Variants in GRM5 observed in about 807,000 individuals in gnomAD.
The protein encoded by GRM5 is metabotropic glutamate receptor 5.
Under a neutral mutation model 83.1 loss-of-function variants are expected in GRM5, and 19 were observed. That is an observed-to-expected ratio of 0.23 (90% confidence interval 0.16 to 0.34). The LOEUF (loss-of-function observed/expected upper bound fraction) is 0.34, where lower values mean the gene tolerates loss of function less well. Among genes scored for constraint, GRM5 ranks in the 10% least tolerant of loss-of-function variants. The probability of loss-of-function intolerance (pLI) is 1.00; values close to 1 mark genes in which losing one functional copy is unlikely to be tolerated. For synonymous variants in GRM5, 675 were observed against 633.6 expected (o/e 1.07, Z -0.98); for missense variants, 1,160 against 1,588.3 (o/e 0.73, Z 4.58).
chr11:88,634,057 T>C (rs1939052860), intron 4 of GRM5, among the ~76,000 whole-genome samples: 1 of 152,174 alleles, frequency 6.6e-6, no homozygotes, highest in South Asian at 2.1e-4. Context: ...GGTGTAAGTA[T>C]TTGTATATCT....
At chr11:88,838,323 G>T (rs1197266048) in intron 3 of GRM5, among the ~76,000 whole-genome samples, 1 of 151,980 alleles carries the variant, frequency 6.6e-6, no homozygotes, top group Non-Finnish European at 1.5e-5. Flanking sequence ...TCCCTTCTGG[G>T]GATAGTGACT....
At position 88,718,354 on chromosome 11, in the gene GRM5, C is replaced by T. The variant is rs569713327; in HGVS notation, c.912-64951G>A. ...AAAATGTATATTTGTAGAGCAAATA[C>T]GTGATCTTCTTTCACCTGTTCCTCC... On this transcript the variant is annotated intron_variant, in intron 3 of 9. Transcript: ENST00000305447. 4.6e-5 allele frequency among the ~76,000 whole-genome samples: 7 copies of T among 151,980 alleles called. No individual in the cohort carries two copies. The East Asian group carries it at 9.7e-4, about 21-fold the overall frequency.
chr11:88,726,463 CTT>C (rs1337892683), intron 3 of GRM5, among the ~76,000 whole-genome samples: 1 of 152,194 alleles, frequency 6.6e-6, no homozygotes, highest in Admixed American at 6.5e-5. Flanking sequence ...GGAAAACACT[CTT>C]TAGGATATTA....
intron 3 of GRM5, among the ~76,000 whole-genome samples, chr11:88,819,659 G>GTAAGGGGA (rs1943752037): frequency 6.6e-6 from 1 of 152,152 alleles, no homozygotes; most frequent in African/African-American, 2.4e-5. Context: ...GTGGGTTACT[G>GTAAGGGGA]TGGCTCACTT....
intron 2 of GRM5, among the ~76,000 whole-genome samples, chr11:88,922,023 A>T (rs1232480565): frequency 6.6e-6 from 1 of 152,132 alleles, no homozygotes; most frequent in Non-Finnish European, 1.5e-5. Context: ...TCCCAAGGAA[A>T]AAACCAAAAA....
intron 8 of GRM5, among the ~76,000 whole-genome samples, chr11:88,539,022 C>T (rs1239689540): frequency 6.6e-6 from 1 of 152,172 alleles, no homozygotes; most frequent in Admixed American, 6.5e-5. Flanking sequence ...GAGACACTGC[C>T]TATGCTTTTA....
At chr11:88,808,401 GATAA>G (rs140527048) in intron 3 of GRM5, among the ~76,000 whole-genome samples, 3,866 of 152,030 alleles carry the variant, frequency 0.025, 171 homozygotes, top group African/African-American at 0.089. Context: ...CAGATGGTCA[GATAA>G]ATAAATAGAA....
chr11:88,755,243 T>C (rs902946835), intron 3 of GRM5, among the ~76,000 whole-genome samples: 2 of 152,116 alleles, frequency 1.3e-5, no homozygotes, highest in Admixed American at 6.6e-5. Flanking sequence ...CTTCTCCCAA[T>C]AGTTTCAGAA....
intron 3 of GRM5, among the ~76,000 whole-genome samples, chr11:88,662,794 C>A (rs1939940543): frequency 6.6e-6 from 1 of 152,266 alleles, no homozygotes; most frequent in African/African-American, 2.4e-5. Flanking sequence ...TGGCCTCCAG[C>A]AAACAACCAG....
intron 2 of GRM5, among the ~76,000 whole-genome samples, chr11:88,981,036 A>C (rs1163622936): frequency 6.6e-6 from 1 of 152,138 alleles, no homozygotes; most frequent in Non-Finnish European, 1.5e-5. Flanking sequence ...TTTTTTAAAA[A>C]AATCTATGGT....
intron 2 of GRM5, among the ~76,000 whole-genome samples, chr11:88,940,827 T>C (rs557289128): frequency 6.6e-5 from 10 of 152,068 alleles, no homozygotes; most frequent in African/African-American, 2.2e-4. Flanking sequence ...AATAAGAATA[T>C]TCACTATAGA....
chr11:88,782,447 G>A (rs1942991701), intron 3 of GRM5, among the ~76,000 whole-genome samples: 1 of 152,090 alleles, frequency 6.6e-6, no homozygotes, highest in Non-Finnish European at 1.5e-5. Context: ...CTTATTCACT[G>A]TCACAAGAAA....
intron 2 of GRM5, among the ~76,000 whole-genome samples, chr11:88,967,536 C>T (rs1256899403): frequency 1.3e-5 from 2 of 151,842 alleles, no homozygotes; most frequent in African/African-American, 4.8e-5. Context: ...AGAGAGCAAG[C>T]AATAAAGGGG....
chr11:88,709,516 T>C (rs1053152558), intron 3 of GRM5, among the ~76,000 whole-genome samples: 4 of 152,052 alleles, frequency 2.6e-5, no homozygotes, highest in Non-Finnish European at 5.9e-5. Context: ...AGGAAGAGAC[T>C]TATCAGAAAT....
chr11:88,531,065 T>C (rs537311919), intron 8 of GRM5, among the ~76,000 whole-genome samples: 4 of 152,172 alleles, frequency 2.6e-5, no homozygotes, highest in African/African-American at 7.2e-5. Flanking sequence ...AGCTAAAAGA[T>C]AGAGGGATAA....
At chr11:88,761,335 T>C (rs187639368) in intron 3 of GRM5, among the ~76,000 whole-genome samples, 34 of 152,248 alleles carry the variant, frequency 2.2e-4, no homozygotes, top group Middle Eastern at 3.4e-3. Flanking sequence ...CTTAAGCTGA[T>C]AAACAACTTC....
At chr11:88,524,214 C>CTTTTTTTTTTTTTTT (rs71470770) in intron 9 of GRM5, among the ~76,000 whole-genome samples, 8 of 101,406 alleles carry the variant, frequency 7.9e-5, no homozygotes, top group East Asian at 2.7e-4. Flanking sequence ...TTCTTTCTTT[C>CTTTTTTTTTTTTTTT]TTTTTTTTTT....
intron 3 of GRM5, among the ~76,000 whole-genome samples, chr11:88,779,704 T>C (rs1296268366): frequency 6.6e-6 from 1 of 152,172 alleles, no homozygotes; most frequent in Non-Finnish European, 1.5e-5. Context: ...CTAAGTTCTA[T>C]ATTGCAGCTA....
At chr11:89,001,831 G>C (rs1270614993) in intron 2 of GRM5, among the ~76,000 whole-genome samples, 1 of 152,080 alleles carries the variant, frequency 6.6e-6, no homozygotes, top group Non-Finnish European at 1.5e-5. Context: ...GTCATCCGAA[G>C]ACTGTCATAT....
Sources: allele counts gnomAD v4.1 joint callset (sites outside exome capture counted in the v4.1 genomes callset), GRCh38; gene constraint gnomAD v4.1.1; transcripts MANE v1.5; gene names NCBI Gene and HGNC (gene_info 2026-07-23, HGNC 2026-07-21).